GNAO1: variants seen among roughly 807,000 people sequenced by gnomAD.
GNAO1 encodes guanine nucleotide-binding protein G(o) subunit alpha.
For missense variants in GNAO1, 166 were observed against 478.7 expected, an observed-to-expected ratio of 0.35 and a Z score of 6.10; for synonymous variants, 164 against 180.7, an observed-to-expected ratio of 0.91 and a Z score of 0.74.
intron 2 of GNAO1, among the ~76,000 whole-genome samples, chr16:56,246,854 C>G (rs768267973): frequency 6.6e-6 from 1 of 152,100 alleles, no homozygotes; most frequent in East Asian, 1.9e-4. Flanking sequence ...TTTTAAAGAG[C>G]GAATGTTTAA....
At chr16:56,281,079 T>TA (rs545690747) in intron 3 of GNAO1, among the ~76,000 whole-genome samples, 6 of 151,154 alleles carry the variant, frequency 4.0e-5, no homozygotes, top group South Asian at 2.1e-4. Flanking sequence ...TTTTATAGGT[T>TA]AAAAAAAAAT....
intron 3 of GNAO1, among the ~76,000 whole-genome samples, chr16:56,295,723 A>AGTG (rs559837987): frequency 4.1e-4 from 62 of 152,138 alleles, no homozygotes; most frequent in Admixed American, 1.5e-3. Context: ...CCCTCTTCCC[A>AGTG]GTGTTCGTAC....
At chr16:56,205,792 G>T (rs1443512808) in intron 2 of GNAO1, among the ~76,000 whole-genome samples, 1 of 152,202 alleles carries the variant, frequency 6.6e-6, no homozygotes, top group Non-Finnish European at 1.5e-5. Flanking sequence ...AAGGAAGATG[G>T]TACAGGAATA....
intron 2 of GNAO1, among the ~76,000 whole-genome samples, chr16:56,206,022 G>T (rs1377151605): frequency 6.6e-6 from 1 of 152,066 alleles, no homozygotes; most frequent in African/African-American, 2.4e-5. Flanking sequence ...ACACAATGAG[G>T]TTAAAGAGGC....
intron 2 of GNAO1, chr16:56,213,271 GA>G: frequency 5.0e-6 from 2 of 398,370 alleles, no homozygotes; most frequent in Non-Finnish European, 8.8e-6. Flanking sequence ...CCACTCTGCA[GA>G]TATCCATTGA....
chr16:56,312,384 A>G (rs2037468743), intron 3 of GNAO1, among the ~76,000 whole-genome samples: 1 of 152,244 alleles, frequency 6.6e-6, no homozygotes, highest in South Asian at 2.1e-4. Flanking sequence ...GGCTGCTGTC[A>G]TGATCTCTTG....
At chr16:56,202,944 C>T (rs1056155497) in intron 2 of GNAO1, among the ~76,000 whole-genome samples, 4 of 152,172 alleles carry the variant, frequency 2.6e-5, no homozygotes, top group Admixed American at 6.5e-5. Context: ...CACAAACAAT[C>T]GGACGCAGTA....
At chr16:56,235,101 A>G (rs2036625071) in intron 2 of GNAO1, 1 of 343,508 alleles carries the variant, frequency 2.9e-6, no homozygotes, top group East Asian at 7.5e-5. Context: ...CTTAGCCACA[A>G]CTCACAACTC....
In GNAO1 at chr16:56,344,106, G is replaced by A. The variant is rs1402771237; in HGVS notation, c.723+7246G>A. On this transcript the variant is annotated intron_variant, in intron 6 of 8. Coordinates refer to ENST00000262493, the MANE Select transcript of GNAO1 (RefSeq NM_020988.3). ...AGGGAGGAGGGAGCATCCTCCACCC[G>A]CACCCCCCAACAGAACTTGTGGTAA... The A allele has an allele frequency of 4.5e-5, 65 of 1,455,914 alleles. No individual in the cohort carries two copies. In the African/African-American group the frequency reaches 5.4e-4, roughly 12 times the overall value. 90.2% of individuals were successfully genotyped at this position (1,455,914 alleles called of 1,614,324 possible). A position where few individuals can be genotyped will look rare whatever the true frequency, so the allele number is the denominator to read the frequency against.
At chr16:56,288,882 A>AT (rs1343299828) in intron 3 of GNAO1, among the ~76,000 whole-genome samples, 1 of 151,566 alleles carries the variant, frequency 6.6e-6, no homozygotes, top group African/African-American at 2.4e-5. Flanking sequence ...CAGGGTCTCC[A>AT]TTTTTTCATC....
chr16:56,220,251 T>A (rs570911150), intron 2 of GNAO1, among the ~76,000 whole-genome samples: 1 of 152,240 alleles, frequency 6.6e-6, no homozygotes, highest in South Asian at 2.1e-4. Context: ...AAAAATCACC[T>A]CTATATCCTA....
At chr16:56,317,943 G>A (rs1327757564) in intron 3 of GNAO1, among the ~76,000 whole-genome samples, 4 of 152,154 alleles carry the variant, frequency 2.6e-5, no homozygotes, top group Non-Finnish European at 4.4e-5. Flanking sequence ...GTAGGCGCAG[G>A]CCTTGCTCAG....
chr16:56,246,679 G>A (rs930494043), intron 2 of GNAO1, among the ~76,000 whole-genome samples: 1 of 152,088 alleles, frequency 6.6e-6, no homozygotes, highest in African/African-American at 2.4e-5. Flanking sequence ...TGTGGAGCTT[G>A]TTCTCTGTGT....
chr16:56,302,739 C>T (rs1184694742), intron 3 of GNAO1: 1 of 152,234 alleles, frequency 6.6e-6, no homozygotes, highest in African/African-American at 2.4e-5. Context: ...CAGCCCCTGG[C>T]TGCTAGGAGC....
chr16:56,303,739 T>C (rs1203175656), intron 3 of GNAO1, among the ~76,000 whole-genome samples: 1 of 152,164 alleles, frequency 6.6e-6, no homozygotes, highest in African/African-American at 2.4e-5. Context: ...CCCCCAGCTC[T>C]TGTCCCCGGC....
intron 2 of GNAO1, among the ~76,000 whole-genome samples, chr16:56,259,480 A>T (rs1438425522): frequency 1.3e-5 from 2 of 152,212 alleles, no homozygotes; most frequent in Non-Finnish European, 2.9e-5. Context: ...TGGAGCTTGA[A>T]GCTCAGTGGA....
rs1284220444 is a variant in GNAO1, at chr16:56,198,132, G to GA, written c.161+5522dup. Among the ~76,000 whole-genome samples, 9 of 152,300 alleles carry GA rather than the reference G, an allele frequency of 5.9e-5. 1 individual carries two copies. The East Asian group carries it at 1.7e-3, about 29-fold the overall frequency. On this transcript the variant is annotated intron_variant, in intron 2 of 8. Coordinates refer to ENST00000262493, the MANE Select transcript of GNAO1 (RefSeq NM_020988.3). ...ACTAATAGAGAAAACTTTTGATTCT[G>GA]AAAAAAGAAAGTGTGCCTGTTTGTA...
At chr16:56,300,051 GCACGCACA>G (rs2037329849) in intron 3 of GNAO1, among the ~76,000 whole-genome samples, 2 of 91,620 alleles carry the variant, frequency 2.2e-5, no homozygotes, top group African/African-American at 9.6e-5. Flanking sequence ...GCGCGCGCGC[GCACGCACA>G]TGTGCTTGTG....
At chr16:56,269,106 C>G (rs900623743) in intron 2 of GNAO1, among the ~76,000 whole-genome samples, 1 of 152,202 alleles carries the variant, frequency 6.6e-6, no homozygotes, top group African/African-American at 2.4e-5. Flanking sequence ...CGTCAGTGTT[C>G]AGAAACATAT....
Sources: gnomAD v4.1 joint callset for allele counts (sites outside exome capture counted in the v4.1 genomes callset) on GRCh38, gnomAD v4.1.1 for gene constraint, MANE v1.5 for transcripts, NCBI Gene and HGNC (gene_info 2026-07-23, HGNC 2026-07-21) for gene names.